KYAT1: variants seen among roughly 807,000 people sequenced by gnomAD.
The protein encoded by KYAT1 is kynurenine aminotransferase 1.
In KYAT1, 47 loss-of-function variants were observed where a neutral mutation model predicts 52.4. The ratio of observed to expected loss-of-function variants is 0.90; its 90% CI spans 0.71 to 1.14. The LOEUF is 1.14. Among genes scored for constraint, KYAT1 ranks in the 50% most tolerant of loss-of-function variants. KYAT1 has a pLI of 0.00. For synonymous variants in KYAT1, 212 were observed against 209.6 expected (o/e 1.01, Z -0.10); for missense variants, 480 against 557.9 (o/e 0.86, Z 1.41).
At chr9:128,870,207 T>C (rs1255113057) in intron 1 of KYAT1, among the ~76,000 whole-genome samples, 1 of 152,164 alleles carries the variant, frequency 6.6e-6, no homozygotes, top group South Asian at 2.1e-4. Flanking sequence ...GTATTCATCA[T>C]AGCCAACAGG....
chr9:128,861,519 G>T (rs1835464358), intron 1 of KYAT1, among the ~76,000 whole-genome samples: 1 of 152,180 alleles, frequency 6.6e-6, no homozygotes, highest in South Asian at 2.1e-4. Flanking sequence ...GTCTTGCGCA[G>T]TTCTTTATAG....
At chr9:128,882,200 G>GCGGCCGGGGCCTGGGGCTGC (rs1839055642), upstream of KYAT1, 1 of 153,210 alleles carries the variant, frequency 6.5e-6, no homozygotes. Flanking sequence ...GCGGGACGGA[G>GCGGCCGGGGCCTGGGGCTGC]CGGCCGGGGC....
At chr9:128,878,877 T>G (rs1838397467) in intron 1 of KYAT1, among the ~76,000 whole-genome samples, 1 of 152,034 alleles carries the variant, frequency 6.6e-6, no homozygotes, top group South Asian at 2.1e-4. Flanking sequence ...GCGGGAGCCT[T>G]GGAGGAGGTG....
intron 1 of KYAT1, among the ~76,000 whole-genome samples, chr9:128,876,532 C>T (rs1438953581): frequency 6.6e-6 from 1 of 151,622 alleles, no homozygotes; most frequent in Non-Finnish European, 1.5e-5. Context: ...ACTCTCCTGC[C>T]TCAGCCTCCC....
intron 10 of KYAT1, 31 bp downstream of exon 10, chr9:128,835,450 C>A (rs748347564): frequency 1.9e-6 from 3 of 1,613,422 alleles, no homozygotes; most frequent in South Asian, 2.2e-5. Context: ...CCAGCCCCTG[C>A]GCCCTGCCCA....
chr9:128,854,239 A>G (rs1588106734), intron 1 of KYAT1, among the ~76,000 whole-genome samples: 2 of 152,242 alleles, frequency 1.3e-5, no homozygotes, highest in East Asian at 3.8e-4. Context: ...AGTAAGGAAT[A>G]TAACACTCCC....
intron 1 of KYAT1, chr9:128,846,658 C>T: frequency 7.0e-7 from 1 of 1,430,110 alleles, no homozygotes; most frequent in Non-Finnish European, 9.3e-7. Context: ...CTGAGAGCCA[C>T]CAAACTCAGG....
Position 128,837,592 on chromosome 9 carries a change from G to T in KYAT1, c.567+93C>A, listed in dbSNP as rs567535755. 4.6e-5 allele frequency: 67 copies of T among 1,454,940 alleles called. No individual in the cohort carries two copies. The African/African-American group carries it at 7.4e-4, about 16-fold the overall frequency. 90.1% of individuals were successfully genotyped at this position (1,454,940 alleles called of 1,614,324 possible). On this transcript the variant is annotated intron_variant, in intron 6 of 12. Transcript: ENST00000302586. ...GTGTGTGGCCCTCCCACACACAAAC[G>T]AAGAAACGGAGGCCCCACAGCAGCA...
In KYAT1 at chr9:128,833,284, T is replaced by C; in HGVS notation, c.*300A>G. ...ATGTGATCGGTACATGGTGGAAGTC[T>C]ACCGTCCGTCTCAGCCAAGCCTGGA... On this transcript the variant is annotated 3_prime_UTR_variant, in exon 13 of 13. Transcript: ENST00000302586. 1.9e-6 allele frequency: 1 copy of C among 538,178 alleles called. No homozygotes were observed. Among genetic ancestry groups the C allele is most frequent in the Non-Finnish European group, 3.3e-6 (1 of 299,096 alleles). 33.3% of individuals were successfully genotyped at this position (538,178 alleles called of 1,614,324 possible).
chr9:128,838,060 G>C lies in KYAT1; in HGVS notation c.429C>G (p.Ser143=). ...MMAGGRPVFV[S]LKPGPIQNGE... ...TACCTAGCATCCTTACCGGCTTCAG[G>C]GACACAAACACAGGACGACCCCCTG... The change falls in exon 5 of 13, where the codon TCC becomes TCG. Residue 143 remains serine, a synonymous_variant. Transcript: ENST00000302586. The C allele has an allele frequency of 6.2e-7, 1 of 1,613,996 alleles. No individual in the cohort carries two copies. Among genetic ancestry groups the C allele is most frequent in the Non-Finnish European group, 8.5e-7 (1 of 1,179,968 alleles).
chr9:128,860,814 C>T (rs965737064), intron 1 of KYAT1, among the ~76,000 whole-genome samples: 11 of 152,200 alleles, frequency 7.2e-5, no homozygotes, highest in Admixed American at 4.6e-4. Flanking sequence ...CTGCCCACCT[C>T]GGCCTCCCAA....
At chr9:128,865,353 A>ATTTTTTTTTT (rs1836196635) in intron 1 of KYAT1, among the ~76,000 whole-genome samples, 1 of 5,754 alleles carries the variant, frequency 1.7e-4, no homozygotes, top group Non-Finnish European at 3.9e-4. Context: ...ATATATATAT[A>ATTTTTTTTTT]TATATATTTT....
chr9:128,846,929 TCA>T, intron 1 of KYAT1: 1 of 1,292,324 alleles, frequency 7.7e-7, no homozygotes, highest in Non-Finnish European at 1.1e-6. Context: ...CACTGCACTC[TCA>T]CTAGAGGTGC....
intron 1 of KYAT1, among the ~76,000 whole-genome samples, chr9:128,857,410 C>T (rs575995155): frequency 6.6e-6 from 1 of 152,234 alleles, no homozygotes; most frequent in Admixed American, 6.5e-5. Flanking sequence ...GTCTCTCGTC[C>T]CACCTGATGA....
intron 1 of KYAT1, among the ~76,000 whole-genome samples, chr9:128,855,724 G>A (rs561795785): frequency 2.6e-5 from 4 of 152,230 alleles, no homozygotes; most frequent in African/African-American, 7.2e-5. Context: ...TGGACCGACC[G>A]TGGGAGGCTT....
chr9:128,834,101 T>C (rs1284065526), intron 11 of KYAT1, among the ~76,000 whole-genome samples: 1 of 152,022 alleles, frequency 6.6e-6, no homozygotes, highest in Non-Finnish European at 1.5e-5. Flanking sequence ...CTACCAAAAA[T>C]ACAAAAATTG....
chr9:128,876,164 C>T lies in KYAT1; in HGVS notation c.-7+5733G>A, dbSNP rs938998370. Among the ~76,000 whole-genome samples the T allele has an allele frequency of 4.6e-5, 7 of 151,946 alleles. No individual in the cohort carries two copies. In the East Asian group the frequency reaches 7.7e-4, roughly 17 times the overall value. On this transcript the variant is annotated intron_variant, in intron 1 of 12. Coordinates refer to ENST00000302586, the MANE Select transcript of KYAT1 (RefSeq NM_004059.5). ...TTTGTCACCTAGGAGCCTTGAACTC[C>T]TGAGCTCAAGTGATCCTCCTGCCTC...
intron 1 of KYAT1, among the ~76,000 whole-genome samples, chr9:128,858,953 C>T (rs1306944153): frequency 2.1e-5 from 3 of 141,758 alleles, no homozygotes; most frequent in African/African-American, 8.1e-5. Context: ...TGAGATTGTG[C>T]GTTGCACTCC....
intron 1 of KYAT1, among the ~76,000 whole-genome samples, chr9:128,878,394 CA>C (rs1838328189): frequency 6.6e-6 from 1 of 152,030 alleles, no homozygotes; most frequent in African/African-American, 2.4e-5. Context: ...CTCAGCCTTC[CA>C]AATTACTGGG....
Sources: allele counts gnomAD v4.1 joint callset (sites outside exome capture counted in the v4.1 genomes callset), GRCh38; gene constraint gnomAD v4.1.1; transcripts MANE v1.5; gene names NCBI Gene and HGNC (gene_info 2026-07-23, HGNC 2026-07-21).